The following PDCL2 variants were observed in gnomAD, a reference collection of about 807,000 sequenced individuals.
PDCL2 encodes phosducin-like protein 2.
PDCL2 carries 23 observed loss-of-function variants against 30.3 expected under a neutral mutation model. The ratio of observed to expected loss-of-function variants is 0.76; its 90% CI spans 0.55 to 1.08. The LOEUF (loss-of-function observed/expected upper bound fraction) is 1.08, where lower values mean the gene tolerates loss of function less well. PDCL2 is among the 50% of genes least tolerant of loss of function. The pLI is 0.00. For synonymous variants in PDCL2, 68 were observed against 86.2 expected (o/e 0.79, Z 1.17); for missense variants, 243 against 282.3 (o/e 0.86, Z 1.00).
intron 2 of PDCL2, among the ~76,000 whole-genome samples, chr4:55,581,807 C>T (rs1268788751): frequency 6.6e-6 from 1 of 152,158 alleles, no homozygotes; most frequent in Non-Finnish European, 1.5e-5. Context: ...AGGTTCATGC[C>T]ATTCTACTGC....
At chr4:55,572,033 A>G (rs1732439735) in intron 3 of PDCL2, among the ~76,000 whole-genome samples, 1 of 152,108 alleles carries the variant, frequency 6.6e-6, no homozygotes. Context: ...CTAATGGTGC[A>G]ACTATCAACA....
chr4:55,559,924 T>C (rs1260884348), intron 5 of PDCL2, among the ~76,000 whole-genome samples: 1 of 152,152 alleles, frequency 6.6e-6, no homozygotes, highest in African/African-American at 2.4e-5. Flanking sequence ...TCTAGAGCTG[T>C]CAAATTCATA....
chr4:55,579,300 T>C (rs556479368), intron 3 of PDCL2, among the ~76,000 whole-genome samples: 2 of 152,124 alleles, frequency 1.3e-5, no homozygotes, highest in African/African-American at 2.4e-5. Context: ...ATTCCTGTTA[T>C]TAGAGAATAG....
chr4:55,591,998 G>T, intron 1 of PDCL2, 106 bp downstream of exon 1: 1 of 1,457,240 alleles, frequency 6.9e-7, no homozygotes, highest in Non-Finnish European at 9.3e-7. Flanking sequence ...ACAAATGTTA[G>T]AGCCTACCTC....
chr4:55,588,908 A>G (rs1235491408), intron 1 of PDCL2, among the ~76,000 whole-genome samples: 2 of 149,352 alleles, frequency 1.3e-5, no homozygotes, highest in Non-Finnish European at 3.0e-5. Flanking sequence ...CCCAGGCTGG[A>G]GTACAGTGGC....
intron 1 of PDCL2, among the ~76,000 whole-genome samples, chr4:55,590,373 G>A (rs1732968623): frequency 6.7e-6 from 1 of 149,168 alleles, no homozygotes; most frequent in Admixed American, 6.7e-5. Context: ...AGCTACTAGG[G>A]ATGCTGAGGT....
Position 55,564,560 on chromosome 4 carries a change from T to C in PDCL2, c.363-1948A>G, listed in dbSNP as rs865898942. On this transcript the variant is annotated intron_variant, in intron 4 of 5. Transcript: ENST00000295645. ...CCAAATTAGAATTGGGGTACAGGCA[T>C]AGATTAAATAGAATTGGGGTACAGG... Among the ~76,000 whole-genome samples the C allele has an allele frequency of 6.0e-4, 91 of 152,188 alleles. 1 individual carries two copies. The highest frequency in any genetic ancestry group is 2.1e-3 in the African/African-American group (86 of 41,514).
At chr4:55,558,279 G>A (rs564556506) in intron 5 of PDCL2, among the ~76,000 whole-genome samples, 193 of 152,174 alleles carry the variant, frequency 1.3e-3, no homozygotes, top group African/African-American at 4.2e-3. Flanking sequence ...TAATCCCCAC[G>A]TGTTGTGGGT....
At chr4:55,591,392 T>C (rs1328882679) in intron 1 of PDCL2, among the ~76,000 whole-genome samples, 1 of 151,772 alleles carries the variant, frequency 6.6e-6, no homozygotes, top group Non-Finnish European at 1.5e-5. Context: ...TTTTTGTTTG[T>C]TTGTTTGTTT....
At chr4:55,577,270 G>A (rs1378362321) in intron 3 of PDCL2, among the ~76,000 whole-genome samples, 5 of 152,254 alleles carry the variant, frequency 3.3e-5, no homozygotes, top group South Asian at 2.1e-4. Flanking sequence ...ACCTCCCTAA[G>A]GCTCCACCTC....
intron 4 of PDCL2, among the ~76,000 whole-genome samples, chr4:55,562,913 A>G (rs931307244): frequency 8.3e-5 from 3 of 36,042 alleles, no homozygotes; most frequent in African/African-American, 2.8e-4. Context: ...CAGTTTGTAG[A>G]AAAAAAAAAA....
At chr4:55,574,586 GA>G (rs1364033687) in intron 3 of PDCL2, among the ~76,000 whole-genome samples, 2 of 152,126 alleles carry the variant, frequency 1.3e-5, no homozygotes, top group Non-Finnish European at 2.9e-5. Flanking sequence ...AAGCATCAAA[GA>G]ATTGTGCAAC....
intron 1 of PDCL2, among the ~76,000 whole-genome samples, chr4:55,591,729 G>A (rs924422691): frequency 6.6e-6 from 1 of 152,162 alleles, no homozygotes; most frequent in African/African-American, 2.4e-5. Flanking sequence ...TAGGTTTTCT[G>A]TTCTTATTTT....
At chr4:55,560,201 C>T (rs564530716) in intron 5 of PDCL2, among the ~76,000 whole-genome samples, 4 of 136,658 alleles carry the variant, frequency 2.9e-5, no homozygotes, top group East Asian at 4.6e-4. Flanking sequence ...GGGGGGGGGA[C>T]GAGATACACA....
chr4:55,586,758 C>T (rs905538458), intron 1 of PDCL2, among the ~76,000 whole-genome samples: 1 of 152,118 alleles, frequency 6.6e-6, no homozygotes, highest in Non-Finnish European at 1.5e-5. Context: ...TTTTCCACAG[C>T]AGTTGTGCAA....
intron 1 of PDCL2, among the ~76,000 whole-genome samples, chr4:55,583,820 G>C (rs1732788713): frequency 6.6e-6 from 1 of 152,202 alleles, no homozygotes; most frequent in Non-Finnish European, 1.5e-5. Context: ...TTACAATATA[G>C]TTTGAAGTCA....
chr4:55,571,002 G>A (rs918055240), intron 3 of PDCL2, among the ~76,000 whole-genome samples: 1 of 152,068 alleles, frequency 6.6e-6, no homozygotes, highest in African/African-American at 2.4e-5. Context: ...CTGTTCAAAC[G>A]CAAATCAATC....
At chr4:55,590,194 C>G (rs7661576) in intron 1 of PDCL2, among the ~76,000 whole-genome samples, 1,353 of 11,356 alleles carry the variant, frequency 0.12, 31 homozygotes, top group African/African-American at 0.21. Context: ...TAGGCTCTGT[C>G]TCAAAAAAAA....
intron 4 of PDCL2, among the ~76,000 whole-genome samples, chr4:55,565,973 G>GTTTTTTTTTT (rs71194595): frequency 9.4e-5 from 7 of 74,500 alleles, no homozygotes; most frequent in African/African-American, 1.5e-4. Flanking sequence ...CCATTTTTCT[G>GTTTTTTTTTT]TTTTTTTTTT....
Sources: allele counts gnomAD v4.1 joint callset (sites outside exome capture counted in the v4.1 genomes callset), GRCh38; gene constraint gnomAD v4.1.1; transcripts MANE v1.5; gene names NCBI Gene and HGNC (gene_info 2026-07-23, HGNC 2026-07-21).